The following GCNT2 variants were observed in gnomAD, a reference collection of about 807,000 sequenced individuals.
The protein encoded by GCNT2 is glucosaminyl (N-acetyl) transferase 2 (I blood group).
Under a neutral mutation model 34.2 loss-of-function variants are expected in GCNT2, and 34 were observed. The ratio of observed to expected loss-of-function variants is 1.00; its 90% confidence interval spans 0.76 to 1.32. The LOEUF is 1.32. Ranked by LOEUF, GCNT2 falls within the 40% of genes most tolerant of loss-of-function variation. The pLI, the probability that GCNT2 is intolerant of heterozygous loss-of-function variation, is 0.00. For missense variants in GCNT2, 584 were observed against 489.4 expected (o/e 1.19, Z -1.82); for synonymous variants, 212 against 188.0 (o/e 1.13, Z -1.04).
intron 3 of GCNT2, among the ~76,000 whole-genome samples, chr6:10,559,553 C>G (rs537826424): frequency 6.6e-6 from 1 of 152,324 alleles, no homozygotes; most frequent in Non-Finnish European, 1.5e-5. Flanking sequence ...GACACAATGC[C>G]TAGAACAATG....
chr6:10,526,339 T>A (rs986412102), intron 1 of GCNT2, among the ~76,000 whole-genome samples: 1 of 152,184 alleles, frequency 6.6e-6, no homozygotes, highest in Non-Finnish European at 1.5e-5. Context: ...ATTTTCCCTG[T>A]GTCCTTTCTT....
chr6:10,592,788 A>T (rs572248423), intron 3 of GCNT2, among the ~76,000 whole-genome samples: 1 of 152,142 alleles, frequency 6.6e-6, no homozygotes, highest in South Asian at 2.1e-4. Flanking sequence ...TGTCGCCAGG[A>T]TGGAGTGCAG....
chr6:10,541,913 T>C (rs975228886), intron 3 of GCNT2, among the ~76,000 whole-genome samples: 1 of 152,184 alleles, frequency 6.6e-6, no homozygotes, highest in African/African-American at 2.4e-5. Context: ...TTGTTGTCAC[T>C]GTAGTTAGGG....
chr6:10,582,026 CAT>C (rs1491349500), intron 3 of GCNT2: 29 of 185,950 alleles, frequency 1.6e-4, no homozygotes, highest in Middle Eastern at 3.1e-3. Context: ...ATGTATATAT[CAT>C]ATGTATTATA....
chr6:10,620,445 A>G (rs6456587), intron 3 of GCNT2, among the ~76,000 whole-genome samples: 16,485 of 150,918 alleles, frequency 0.11, 1,564 homozygotes, highest in African/African-American at 0.26. Flanking sequence ...CCTGCTCTGT[A>G]ACCCAGGCTG....
chr6:10,573,878 T>C (rs1328837287), intron 3 of GCNT2, among the ~76,000 whole-genome samples: 1 of 152,204 alleles, frequency 6.6e-6, no homozygotes, highest in African/African-American at 2.4e-5. Context: ...GGCTTCTGCC[T>C]ATGCTTCGGG....
chr6:10,625,031 C>T lies in GCNT2; in HGVS notation c.1019-1386C>T, dbSNP rs571897112. On this transcript the variant is annotated intron_variant, in intron 4 of 4. Transcript: ENST00000495262. Reference sequence around the variant, plus strand: ...TAAGGCCTGTGTTTTTGGTTCTCGCCGCCTGGTCATTCTTTCACTTCCTAC... The same window carrying T: ...TAAGGCCTGTGTTTTTGGTTCTCGCTGCCTGGTCATTCTTTCACTTCCTAC... Among the ~76,000 whole-genome samples, 13 of 152,160 alleles carry T rather than the reference C, an allele frequency of 8.5e-5. No individual in the cohort carries two copies. The East Asian group carries it at 1.9e-3, about 23-fold the overall frequency.
At chr6:10,523,397 G>A (rs1761019505) in intron 1 of GCNT2, among the ~76,000 whole-genome samples, 1 of 145,238 alleles carries the variant, frequency 6.9e-6, no homozygotes, top group African/African-American at 2.6e-5. Context: ...TTACACTGCA[G>A]ACGGGGCAAC....
intron 3 of GCNT2, chr6:10,581,713 A>G (rs995308766): frequency 2.0e-6 from 2 of 982,544 alleles, no homozygotes; most frequent in African/African-American, 3.5e-5. Context: ...TTATTGTAGG[A>G]TCAAGGCTTG....
Position 10,628,054 on chromosome 6 carries a change from C to T in GCNT2, c.*1447C>T, listed in dbSNP as rs1384250138. ...TTAATAGCACCGGGGAACAATTTCT[C>T]TGGGTGAGAATTGGGACTCTGTTGC... On this transcript the variant is annotated 3_prime_UTR_variant, in exon 5 of 5. Transcript: ENST00000495262. 6.6e-6 allele frequency: 1 copy of T among 152,534 alleles called. No homozygotes were observed. Among genetic ancestry groups the T allele is most frequent in the Non-Finnish European group, 1.5e-5 (1 of 68,030 alleles). 9.4% of individuals were successfully genotyped at this position (152,534 alleles called of 1,614,324 possible). A position where few individuals can be genotyped will look rare whatever the true frequency, so the allele number is the denominator to read the frequency against.
intron 3 of GCNT2, among the ~76,000 whole-genome samples, chr6:10,600,129 G>C (rs1452450487): frequency 6.6e-6 from 1 of 152,146 alleles, no homozygotes; most frequent in Non-Finnish European, 1.5e-5. Context: ...TCTATATTTA[G>C]TGCTTCTTAT....
At chr6:10,586,905 A>T in intron 3 of GCNT2, 2 of 1,611,096 alleles carry the variant, frequency 1.2e-6, no homozygotes, top group Non-Finnish European at 1.7e-6. Flanking sequence ...GACACTTAAT[A>T]GGGTTTCAGG....
At chr6:10,583,020 A>G (rs563188590) in intron 3 of GCNT2, among the ~76,000 whole-genome samples, 2 of 152,150 alleles carry the variant, frequency 1.3e-5, no homozygotes, top group Non-Finnish European at 2.9e-5. Context: ...ATTTAGCCAA[A>G]CAGACTGGCT....
intron 3 of GCNT2, among the ~76,000 whole-genome samples, chr6:10,582,906 A>C (rs1297756420): frequency 6.6e-6 from 1 of 152,116 alleles, no homozygotes; most frequent in East Asian, 1.9e-4. Context: ...TAGTCTTGAC[A>C]ACCATTTGAA....
chr6:10,600,860 G>A (rs1471496835), intron 3 of GCNT2, among the ~76,000 whole-genome samples: 1 of 152,004 alleles, frequency 6.6e-6, no homozygotes, highest in Non-Finnish European at 1.5e-5. Context: ...GTGCAATCTT[G>A]GCTTATTGCA....
rs777118396 is a variant in GCNT2 at position 10,529,347 on chromosome 6, T to G, written c.436T>G (p.Cys146Gly). 6.2e-7 allele frequency: 1 copy of G among 1,614,140 alleles called. No homozygotes were observed. The highest frequency in any genetic ancestry group is 1.7e-5 in the Admixed American group (1 of 60,010). ...FKGAVKQLLS[C>G]FPNAFLASKK... Reference sequence around the variant, plus strand: ...AGGTGCAGTGAAACAGTTACTCAGCTGCTTCCCAAATGCTTTTCTGGCTTC... The same window carrying G: ...AGGTGCAGTGAAACAGTTACTCAGCGGCTTCCCAAATGCTTTTCTGGCTTC... The change falls in exon 3 of 5, where the codon TGC (cysteine) becomes GGC (glycine). Residue 146 changes from cysteine to glycine, a missense_variant. Transcript: ENST00000495262.
At chr6:10,615,459 C>G (rs999669335) in intron 3 of GCNT2, among the ~76,000 whole-genome samples, 2 of 152,016 alleles carry the variant, frequency 1.3e-5, no homozygotes, top group Admixed American at 6.6e-5. Flanking sequence ...GGGCCCCAGG[C>G]GCACATCACA....
At chr6:10,606,057 G>A (rs1305605740) in intron 3 of GCNT2, among the ~76,000 whole-genome samples, 1 of 152,226 alleles carries the variant, frequency 6.6e-6, no homozygotes, top group Non-Finnish European at 1.5e-5. Flanking sequence ...GCTCACGCCT[G>A]TAATCCTAGC....
chr6:10,577,806 G>A (rs2127403571), intron 3 of GCNT2, among the ~76,000 whole-genome samples: 1 of 152,182 alleles, frequency 6.6e-6, no homozygotes, highest in South Asian at 2.1e-4. Flanking sequence ...CTCCCAAAGT[G>A]CTGGAATTAC....
Sources: gnomAD v4.1 joint callset for allele counts (sites outside exome capture counted in the v4.1 genomes callset) on GRCh38, gnomAD v4.1.1 for gene constraint, MANE v1.5 for transcripts, NCBI Gene and HGNC (gene_info 2026-07-23, HGNC 2026-07-21) for gene names.